Variants in PDE4B observed in about 807,000 individuals in gnomAD.
The protein encoded by PDE4B is 3',5'-cyclic-AMP phosphodiesterase 4B.
A neutral mutation model predicts 82.2 loss-of-function variants in PDE4B; 20 were observed. The ratio of observed to expected loss-of-function variants is 0.24; its 90% confidence interval spans 0.17 to 0.35. The LOEUF (loss-of-function observed/expected upper bound fraction) is 0.35, where lower values mean the gene tolerates loss of function less well. PDE4B is among the 10% of genes least tolerant of loss of function. The pLI is 1.00. For synonymous variants in PDE4B, 320 were observed against 318.9 expected, an observed-to-expected ratio of 1.00 and a Z score of -0.04; for missense variants, 655 against 907.2, an observed-to-expected ratio of 0.72 and a Z score of 3.57.
At chr1:65,945,181 G>A (rs1569776123) in intron 3 of PDE4B, among the ~76,000 whole-genome samples, 1 of 152,030 alleles carries the variant, frequency 6.6e-6, no homozygotes, top group African/African-American at 2.4e-5. Flanking sequence ...AGGGTTCCAT[G>A]CTATAGAGTG....
intron 8 of PDE4B, among the ~76,000 whole-genome samples, chr1:66,339,346 T>C (rs1660786382): frequency 6.6e-6 from 1 of 152,232 alleles, no homozygotes; most frequent in South Asian, 2.1e-4. Flanking sequence ...TTCCAAGTTC[T>C]AGTCTTCTCA....
chr1:65,805,529 A>G (rs1176248516), intron 1 of PDE4B, among the ~76,000 whole-genome samples: 1 of 151,990 alleles, frequency 6.6e-6, no homozygotes, highest in Non-Finnish European at 1.5e-5. Context: ...CAGTACAATC[A>G]TTGTGCAGCT....
chr1:66,315,616 G>A (rs542208671), intron 7 of PDE4B, among the ~76,000 whole-genome samples: 22 of 151,940 alleles, frequency 1.4e-4, no homozygotes, highest in African/African-American at 4.6e-4. Flanking sequence ...CCACCACGCC[G>A]GGCTAATTTT....
At chr1:65,990,515 C>G (rs1651186868) in intron 3 of PDE4B, among the ~76,000 whole-genome samples, 1 of 151,982 alleles carries the variant, frequency 6.6e-6, no homozygotes, top group Non-Finnish European at 1.5e-5. Context: ...GGAGGAAAGT[C>G]CCAGCTTTGT....
intron 3 of PDE4B, among the ~76,000 whole-genome samples, chr1:66,093,035 C>T (rs1163052381): frequency 6.6e-6 from 1 of 152,010 alleles, no homozygotes; most frequent in Non-Finnish European, 1.5e-5. Flanking sequence ...TCACCTAAGA[C>T]TTTGATCTGA....
At chr1:66,004,793 G>T (rs2100719900) in intron 3 of PDE4B, among the ~76,000 whole-genome samples, 1 of 152,136 alleles carries the variant, frequency 6.6e-6, no homozygotes, top group Non-Finnish European at 1.5e-5. Context: ...ACAGAATCTA[G>T]ACATGTTTCC....
intron 3 of PDE4B, among the ~76,000 whole-genome samples, chr1:66,165,437 T>A (rs1180207467): frequency 4.6e-5 from 7 of 152,058 alleles, no homozygotes; most frequent in African/African-American, 1.7e-4. Context: ...TAAATAAAAT[T>A]CATCGTAAAA....
intron 3 of PDE4B, among the ~76,000 whole-genome samples, chr1:66,079,126 ACTCT>A (rs1656586967): frequency 6.9e-6 from 1 of 145,812 alleles, no homozygotes; most frequent in South Asian, 2.2e-4. Flanking sequence ...CTCTGAACAC[ACTCT>A]CTCACTGTCT....
intron 3 of PDE4B, among the ~76,000 whole-genome samples, chr1:66,164,535 CAAAAAAAA>C (rs10718019): frequency 1.4e-4 from 7 of 48,558 alleles, no homozygotes; most frequent in East Asian, 7.1e-4. Context: ...GACTCCGTCT[CAAAAAAAA>C]AAAAAAAAAA....
chr1:66,360,577 C>T (rs1250005485), intron 9 of PDE4B: 1 of 152,246 alleles, frequency 6.6e-6, no homozygotes, highest in African/African-American at 2.4e-5. Context: ...TTAACTCTTT[C>T]AGCCACAGGG....
At chr1:66,224,241 C>T (rs1453718760) in intron 3 of PDE4B, among the ~76,000 whole-genome samples, 1 of 152,104 alleles carries the variant, frequency 6.6e-6, no homozygotes, top group Non-Finnish European at 1.5e-5. Flanking sequence ...CCCCTCAACC[C>T]CTCTCACACA....
intron 3 of PDE4B, chr1:66,042,411 T>A (rs930491284): frequency 6.6e-6 from 1 of 151,834 alleles, no homozygotes; most frequent in Non-Finnish European, 1.5e-5. Context: ...ATATACTGAT[T>A]TATTGCTTAT....
intron 7 of PDE4B, among the ~76,000 whole-genome samples, chr1:66,306,941 AT>A (rs150699831): frequency 0.016 from 2,418 of 152,288 alleles, 33 homozygotes; most frequent in African/African-American, 0.042. Context: ...GGGGACAATG[AT>A]TTGGGAGGCA....
chr1:66,368,993 G>A, intron 16 of PDE4B, 24 bp downstream of exon 16: 2 of 1,566,332 alleles, frequency 1.3e-6, no homozygotes, highest in East Asian at 2.3e-5. Context: ...GATTTTCAAA[G>A]TTTTTGTGAG....
intron 7 of PDE4B, among the ~76,000 whole-genome samples, chr1:66,293,857 A>G: frequency 6.6e-6 from 1 of 152,298 alleles, no homozygotes; most frequent in East Asian, 1.9e-4. Flanking sequence ...TCTCAACCAT[A>G]TAAAACTGGT....
At chr1:65,894,450 A>G (rs572685254) in intron 1 of PDE4B, among the ~76,000 whole-genome samples, 1 of 152,302 alleles carries the variant, frequency 6.6e-6, no homozygotes, top group East Asian at 1.9e-4. Flanking sequence ...TAGGAACATA[A>G]TCTATGAAAT....
chr1:66,217,817 ATTATGCTTTAAGT>A (rs2101595312), intron 3 of PDE4B, among the ~76,000 whole-genome samples: 1 of 152,254 alleles, frequency 6.6e-6, no homozygotes, highest in Non-Finnish European at 1.5e-5. Context: ...ATTTCAATAT[ATTATGCTTTAAGT>A]TTAGGGAGAA....
At chr1:66,370,740 A>C (rs1482395676) in intron 16 of PDE4B, among the ~76,000 whole-genome samples, 1 of 152,178 alleles carries the variant, frequency 6.6e-6, no homozygotes, top group African/African-American at 2.4e-5. Context: ...ACAAGCGAAG[A>C]AAGGAAATGA....
intron 7 of PDE4B, among the ~76,000 whole-genome samples, chr1:66,329,731 T>C (rs1659977929): frequency 6.6e-6 from 1 of 152,236 alleles, no homozygotes; most frequent in Non-Finnish European, 1.5e-5. Flanking sequence ...CTTTATGAGA[T>C]AAATATTTTA....
Sources: gnomAD v4.1 joint callset for allele counts (sites outside exome capture counted in the v4.1 genomes callset) on GRCh38, gnomAD v4.1.1 for gene constraint, MANE v1.5 for transcripts, NCBI Gene and HGNC (gene_info 2026-07-23, HGNC 2026-07-21) for gene names.